PCDH9: variants seen among roughly 807,000 people sequenced by gnomAD.
PCDH9 encodes protocadherin 9, also known as protocadherin-9.
A neutral mutation model predicts 70.6 loss-of-function variants in PCDH9; 24 were observed. That is an observed-to-expected ratio of 0.34 (90% CI 0.25 to 0.48). The LOEUF is 0.48. PCDH9 is among the 20% of genes least tolerant of loss of function. The pLI is 0.99. For missense variants in PCDH9, 1,281 were observed against 1,503.6 expected (o/e 0.85, Z 2.45); for synonymous variants, 562 against 558.5 (o/e 1.01, Z -0.09).
rs534794465 is a variant in PCDH9, at chr13:66,546,214, C to A, written c.3340+84996G>T. On this transcript the variant is annotated intron_variant, in intron 4 of 4. Transcript: ENST00000377865. ...TAACTATAAAGCAGCCTCAGGTAGA[C>A]CTTCCAGAAAGCAGTCTAGAAGAAG... 1.8e-4 allele frequency among the ~76,000 whole-genome samples: 28 copies of A among 151,708 alleles called. No individual in the cohort carries two copies. In the South Asian group the frequency reaches 5.9e-3, roughly 32 times the overall value.
intron 2 of PCDH9, among the ~76,000 whole-genome samples, chr13:67,148,744 G>A (rs563673422): frequency 5.1e-4 from 78 of 152,216 alleles, no homozygotes; most frequent in African/African-American, 1.9e-3. Flanking sequence ...CTGAGAAAAA[G>A]CTGATTGAGG....
chr13:66,375,593 A>C (rs994547525), intron 4 of PCDH9, among the ~76,000 whole-genome samples: 4 of 152,250 alleles, frequency 2.6e-5, no homozygotes, highest in South Asian at 2.1e-4. Context: ...TTATCTTGTA[A>C]TATTTCTTAC....
At chr13:66,889,258 A>T (rs908516723) in intron 3 of PCDH9, among the ~76,000 whole-genome samples, 2 of 152,208 alleles carry the variant, frequency 1.3e-5, no homozygotes, top group African/African-American at 2.4e-5. Flanking sequence ...AAGCCACACG[A>T]AGCAGTTATA....
chr13:67,011,625 C>T (rs1208759156), intron 2 of PCDH9, among the ~76,000 whole-genome samples: 1 of 151,728 alleles, frequency 6.6e-6, no homozygotes, highest in Non-Finnish European at 1.5e-5. Flanking sequence ...GTAATAGGAC[C>T]TGAGGCATTT....
intron 3 of PCDH9, among the ~76,000 whole-genome samples, chr13:66,867,247 C>T (rs1194082255): frequency 6.6e-6 from 1 of 152,046 alleles, no homozygotes; most frequent in Non-Finnish European, 1.5e-5. Context: ...TACTATTTCC[C>T]AGTTTCTACT....
intron 2 of PCDH9, among the ~76,000 whole-genome samples, chr13:67,052,591 C>T (rs2085343198): frequency 6.6e-6 from 1 of 151,824 alleles, no homozygotes; most frequent in Admixed American, 6.6e-5. Context: ...TGCATTAGAG[C>T]ATATAAAAAG....
chr13:66,614,816 A>G (rs1449822984), intron 4 of PCDH9, among the ~76,000 whole-genome samples: 1 of 152,214 alleles, frequency 6.6e-6, no homozygotes, highest in Non-Finnish European at 1.5e-5. Flanking sequence ...TACATTGAAC[A>G]AAAGAGACAG....
intron 4 of PCDH9, among the ~76,000 whole-genome samples, chr13:66,591,292 GT>G (rs2077036387): frequency 6.6e-6 from 1 of 151,484 alleles, no homozygotes; most frequent in African/African-American, 2.4e-5. Flanking sequence ...TTATGCAGCT[GT>G]TTTCATGCCA....
At chr13:66,849,628 G>T (rs925124760) in intron 3 of PCDH9, among the ~76,000 whole-genome samples, 1 of 151,588 alleles carries the variant, frequency 6.6e-6, no homozygotes, top group Non-Finnish European at 1.5e-5. Context: ...AAATCTAGGA[G>T]AATCAGTAAA....
At chr13:66,462,644 T>C (rs1006196413) in intron 4 of PCDH9, among the ~76,000 whole-genome samples, 2 of 151,852 alleles carry the variant, frequency 1.3e-5, no homozygotes, top group African/African-American at 4.8e-5. Flanking sequence ...ATTAAAAAGA[T>C]TCCCAGGTAA....
rs566472933 is a variant in PCDH9, at chr13:67,024,893, G to A, written c.3037-121288C>T. ...AAGGAGTACTCACATAATTGATGAAGGAGTGACGTTCTGAACTAAGTCTTC... is the reference window on the plus strand; with the variant it reads ...AAGGAGTACTCACATAATTGATGAAAGAGTGACGTTCTGAACTAAGTCTTC... On this transcript the variant is annotated intron_variant, in intron 2 of 4. Transcript: ENST00000377865. Among the ~76,000 whole-genome samples, 13 of 152,142 alleles carry A rather than the reference G, an allele frequency of 8.5e-5. No homozygotes were observed. The South Asian group carries it at 2.7e-3, about 32-fold the overall frequency.
intron 2 of PCDH9, among the ~76,000 whole-genome samples, chr13:67,187,050 A>C (rs1199446836): frequency 6.6e-6 from 1 of 152,134 alleles, no homozygotes. Flanking sequence ...TTTTCCTCTA[A>C]ACTTTTCAAT....
intron 2 of PCDH9, among the ~76,000 whole-genome samples, chr13:66,998,624 A>T (rs1028699624): frequency 6.6e-6 from 1 of 152,184 alleles, no homozygotes; most frequent in Non-Finnish European, 1.5e-5. Flanking sequence ...TAAGGAAAAC[A>T]TAATTCAGGC....
intron 2 of PCDH9, among the ~76,000 whole-genome samples, chr13:67,144,799 C>A (rs966544584): frequency 2.6e-5 from 4 of 152,112 alleles, no homozygotes; most frequent in African/African-American, 9.7e-5. Flanking sequence ...TACAAATGTT[C>A]TGTAACTCAC....
At chr13:66,361,371 T>C (rs753292763) in intron 4 of PCDH9, among the ~76,000 whole-genome samples, 2 of 152,194 alleles carry the variant, frequency 1.3e-5, no homozygotes, top group Non-Finnish European at 2.9e-5. Context: ...TAAATAATTA[T>C]TCATTCAAAT....
chr13:66,941,445 TA>T (rs2083004877), intron 2 of PCDH9, among the ~76,000 whole-genome samples: 1 of 151,676 alleles, frequency 6.6e-6, no homozygotes, highest in African/African-American at 2.4e-5. Flanking sequence ...AACAACCCTA[TA>T]AAAAGGCAGA....
chr13:66,376,495 T>C lies in PCDH9; in HGVS notation c.3341-71467A>G, dbSNP rs1295212865. Reference sequence around the variant, plus strand: ...ATTAAAGTTTTATGCATCATTAATATTGACTTTGACTTTAAAAAGTCAAAG... The same window carrying C: ...ATTAAAGTTTTATGCATCATTAATACTGACTTTGACTTTAAAAAGTCAAAG... On this transcript the variant is annotated intron_variant, in intron 4 of 4. Transcript: ENST00000377865. Among the ~76,000 whole-genome samples the C allele has an allele frequency of 3.9e-5, 6 of 152,326 alleles. 1 individual carries two copies. The highest frequency in any genetic ancestry group is 7.4e-5 in the Non-Finnish European group (5 of 68,022).
chr13:66,314,888 A>G (rs927743282), intron 4 of PCDH9, among the ~76,000 whole-genome samples: 20 of 152,174 alleles, frequency 1.3e-4, no homozygotes, highest in African/African-American at 3.9e-4. Context: ...GGCAAAGGGG[A>G]TTTTGTAGAT....
At chr13:66,954,343 C>T (rs1271697545) in intron 2 of PCDH9, among the ~76,000 whole-genome samples, 1 of 152,124 alleles carries the variant, frequency 6.6e-6, no homozygotes, top group Admixed American at 6.5e-5. Flanking sequence ...TCACTTTATC[C>T]ATAAAACTGG....
Sources: allele counts gnomAD v4.1 joint callset (sites outside exome capture counted in the v4.1 genomes callset), GRCh38; gene constraint gnomAD v4.1.1; transcripts MANE v1.5; gene names NCBI Gene and HGNC (gene_info 2026-07-23, HGNC 2026-07-21).